Variants in TTLL6 observed in about 807,000 individuals in gnomAD.
TTLL6 encodes tubulin tyrosine ligase like 6, also known as tubulin polyglutamylase TTLL6.
A neutral mutation model predicts 96.4 loss-of-function variants in TTLL6; 75 were observed. The observed-to-expected ratio is 0.78, with a 90% confidence interval of 0.65 to 0.94. The LOEUF is 0.94. Among genes scored for constraint, TTLL6 ranks in the 40% least tolerant of loss-of-function variants. The pLI is 0.00. For missense variants in TTLL6, 1,030 were observed against 1,093.0 expected (o/e 0.94, Z 0.81); for synonymous variants, 411 against 419.4 (o/e 0.98, Z 0.24).
chr17:48,770,122 G>A, intron 13 of TTLL6, 25 bp from the exon 14 acceptor site: 1 of 1,562,950 alleles, frequency 6.4e-7, no homozygotes, highest in Non-Finnish European at 8.6e-7. Flanking sequence ...AGTTCAAAAT[G>A]AGACTGTGGA....
At chr17:48,774,992 G>T (rs1237102925) in intron 13 of TTLL6, among the ~76,000 whole-genome samples, 2 of 152,044 alleles carry the variant, frequency 1.3e-5, no homozygotes, top group Admixed American at 1.3e-4. Flanking sequence ...AATTAGCTGG[G>T]CATAGTGGCG....
rs1398608502 is a variant in TTLL6 at position 48,803,932 on chromosome 17, C to T, written c.324-4G>A. 1.3e-6 allele frequency: 2 copies of T among 1,551,858 alleles called. No homozygotes were observed. Reference sequence around the variant, plus strand: ...GCTGGATAGATTGATCACCAATCATCTGGAAAAGAGAAAAAGGAAAGCAGC... The same window carrying T: ...GCTGGATAGATTGATCACCAATCATTTGGAAAAGAGAAAAAGGAAAGCAGC... On this transcript the variant is annotated splice_polypyrimidine_tract_variant and splice_region_variant and intron_variant, in intron 2 of 15. Coordinates refer to ENST00000393382, the MANE Select transcript of TTLL6 (RefSeq NM_001130918.3).
chr17:48,807,805 C>T (rs960287510), intron 1 of TTLL6, among the ~76,000 whole-genome samples: 1 of 152,074 alleles, frequency 6.6e-6, no homozygotes, highest in Non-Finnish European at 1.5e-5. Context: ...AGCCACCGTG[C>T]ATGGCCATTT....
intron 1 of TTLL6, among the ~76,000 whole-genome samples, chr17:48,810,331 A>G: frequency 6.6e-6 from 1 of 152,012 alleles, no homozygotes; most frequent in East Asian, 1.9e-4. Flanking sequence ...GCCATCTTGG[A>G]TGGTACCCGA....
chr17:48,769,822 C>T lies in TTLL6; in HGVS notation c.2316G>A (p.Leu772=), dbSNP rs202111605. The change falls in exon 14 of 16, where the codon TTG becomes TTA. Residue 772 remains leucine (L), a synonymous_variant. Coordinates refer to ENST00000393382, the MANE Select transcript of TTLL6 (RefSeq NM_001130918.3). ...LLKSDMNKPH[L]ISELLTKLQL... is the part of the protein sequence containing the mutation. Reference sequence around the variant, plus strand: ...GAAGCTTGGTGAGTAGCTCGGATATCAAATGTGGCTTGTTCATGTCACTCT... The same window carrying T: ...GAAGCTTGGTGAGTAGCTCGGATATTAAATGTGGCTTGTTCATGTCACTCT... The T allele has an allele frequency of 3.1e-6, 5 of 1,614,262 alleles. No homozygotes were observed. Among genetic ancestry groups the T allele is most frequent in the Middle Eastern group, 1.6e-4 (1 of 6,062 alleles).
chr17:48,794,181 C>G (rs1217323888), intron 8 of TTLL6: 1 of 1,613,762 alleles, frequency 6.2e-7, no homozygotes, highest in Non-Finnish European at 8.5e-7. Flanking sequence ...GGCAGAACAA[C>G]ACTTGAAGCC....
rs1002265772 is a variant in TTLL6 at position 48,817,050 on chromosome 17, G to A, written c.23C>T (p.Pro8Leu). 6.5e-7 allele frequency: 1 copy of A among 1,544,606 alleles called. No individual in the cohort carries two copies. The highest frequency in any genetic ancestry group is 1.2e-5 in the South Asian group (1 of 83,850). Residue 8 changes from proline (P) to leucine (L), a missense_variant, in exon 1 of 16, where the codon CCT (proline) becomes CTT (leucine). By Grantham distance (98) the Pro-to-Leu change is moderately conservative. Transcript: ENST00000393382. Reference sequence around the variant, plus strand: ...CACACCTGCCGGCCCCCTCCTCGAAGGATGAAGGAGTAACGCTCCCATTGG... The same window carrying A: ...CACACCTGCCGGCCCCCTCCTCGAAAGATGAAGGAGTAACGCTCCCATTGG... MGALLLH[P>L]SRRGPAGVVA...
chr17:48,781,930 C>T (rs560952880), intron 13 of TTLL6, among the ~76,000 whole-genome samples: 6 of 152,282 alleles, frequency 3.9e-5, no homozygotes, highest in African/African-American at 1.2e-4. Flanking sequence ...CCTCACCAGA[C>T]ATCAAACTTG....
intron 2 of TTLL6, 103 bp downstream of exon 2, chr17:48,804,669 A>G (rs374239751): frequency 1.0e-6 from 1 of 968,294 alleles, no homozygotes; most frequent in Admixed American, 2.2e-5. Context: ...CTCAGCACAC[A>G]GTTTCTCCTT....
chr17:48,776,788 A>T (rs1215236765), intron 13 of TTLL6, among the ~76,000 whole-genome samples: 2 of 152,154 alleles, frequency 1.3e-5, no homozygotes, highest in Non-Finnish European at 2.9e-5. Context: ...TTTCTCCTCA[A>T]AATTTTCTGC....
At chr17:48,771,448 GCAAGATCCT>G (rs1257668227) in intron 13 of TTLL6, among the ~76,000 whole-genome samples, 1 of 152,072 alleles carries the variant, frequency 6.6e-6, no homozygotes, top group African/African-American at 2.4e-5. Context: ...GAGCAACACA[GCAAGATCCT>G]CATCTCTAAA....
intron 3 of TTLL6, among the ~76,000 whole-genome samples, chr17:48,803,671 C>T (rs2039462117): frequency 6.6e-6 from 1 of 152,194 alleles, no homozygotes; most frequent in African/African-American, 2.4e-5. Flanking sequence ...ATAAGAATTA[C>T]AGATAGTTGA....
intron 12 of TTLL6, 66 bp from the exon 13 acceptor site, chr17:48,785,267 C>G: frequency 2.5e-6 from 4 of 1,604,240 alleles, no homozygotes; most frequent in Non-Finnish European, 3.4e-6. Context: ...CCAGATTCAT[C>G]TGCACCCAGG....
intron 8 of TTLL6, 83 bp downstream of exon 8, chr17:48,795,978 G>A (rs2039309467): frequency 5.4e-6 from 6 of 1,121,402 alleles, no homozygotes; most frequent in African/African-American, 1.5e-5. Context: ...CACTGATGGG[G>A]ACTAACAGGG....
chr17:48,799,383 G>A (rs2039371644), intron 6 of TTLL6, among the ~76,000 whole-genome samples: 1 of 152,210 alleles, frequency 6.6e-6, no homozygotes, highest in Non-Finnish European at 1.5e-5. Context: ...AGCCTGGCAG[G>A]GCCAGACCAA....
intron 8 of TTLL6, among the ~76,000 whole-genome samples, chr17:48,791,987 T>C (rs2039234672): frequency 6.6e-6 from 1 of 152,318 alleles, no homozygotes. Context: ...TAGAAGCATG[T>C]GGGCAGCCTT....
chr17:48,801,580 TAG>T lies in TTLL6; in HGVS notation c.423_424del (p.Tyr142LeufsTer28), dbSNP rs867200264. 3.2e-5 allele frequency: 49 copies of T among 1,551,772 alleles called. No individual in the cohort carries two copies. The African/African-American group carries it at 4.1e-4, about 13-fold the overall frequency. ...CAGTGACACTGAGTAATCTGTCCAA[TAG>T]AGAGTCCAGTCATCGTCTTCCCCTC... On this transcript the variant is annotated frameshift_variant, in exon 4 of 16. Transcript: ENST00000393382. LOFTEE classifies it high-confidence loss of function.
rs73985899 is a variant in TTLL6 at position 48,784,625 on chromosome 17, A to G, written c.2040+298T>C. 9.6e-3 allele frequency among the ~76,000 whole-genome samples: 1,457 copies of G among 152,230 alleles called. 28 individuals are homozygous for G. The highest frequency in any genetic ancestry group is 0.093 in the South Asian group (448 of 4,818). ...TGGTTTCAGACTTCCAGCCTCAAGA[A>G]CTGTGAGAGAATAAACGGTGTTGCC... On this transcript the variant is annotated intron_variant, in intron 13 of 15. Coordinates refer to ENST00000393382, the MANE Select transcript of TTLL6 (RefSeq NM_001130918.3).
At chr17:48,805,798 C>T (rs1456788867) in intron 1 of TTLL6, among the ~76,000 whole-genome samples, 4 of 151,378 alleles carry the variant, frequency 2.6e-5, no homozygotes, top group Non-Finnish European at 5.9e-5. Flanking sequence ...CATGGTGAAA[C>T]CCCGTCTCTA....
Sources: gnomAD v4.1 joint callset for allele counts (sites outside exome capture counted in the v4.1 genomes callset) on GRCh38, gnomAD v4.1.1 for gene constraint, MANE v1.5 for transcripts, NCBI Gene and HGNC (gene_info 2026-07-23, HGNC 2026-07-21) for gene names.